TMEM245: variants seen among roughly 807,000 people sequenced by gnomAD.
TMEM245 encodes the protein protein CG-2.
In TMEM245, 69 loss-of-function variants were observed where a neutral mutation model predicts 101.2. The observed-to-expected ratio is 0.68, with a 90% CI of 0.56 to 0.83. The LOEUF is 0.83. Among genes scored for constraint, TMEM245 ranks in the 40% least tolerant of loss-of-function variants. The pLI is 0.00. For missense variants in TMEM245, 1,075 were observed against 1,092.8 expected (o/e 0.98, Z 0.23); for synonymous variants, 537 against 449.8 (o/e 1.19, Z -2.45).
At chr9:109,066,670 T>C (rs1829178969) in intron 9 of TMEM245, among the ~76,000 whole-genome samples, 1 of 151,796 alleles carries the variant, frequency 6.6e-6, no homozygotes, top group Non-Finnish European at 1.5e-5. Context: ...TTCAATTATA[T>C]GGTAACTTAT....
chr9:109,083,925 A>AAAAAAAAAAAAAAAAAAAT (rs1554725114), intron 7 of TMEM245, among the ~76,000 whole-genome samples: 1 of 140,772 alleles, frequency 7.1e-6, no homozygotes, highest in Non-Finnish European at 1.5e-5. Context: ...AAAAAAAAAA[A>AAAAAAAAAAAAAAAAAAAT]AAAACACCAG....
rs1829843693 is a variant in TMEM245, at chr9:109,086,526, T to C, written c.1321-506A>G. Among the ~76,000 whole-genome samples, 4 of 152,350 alleles carry C rather than the reference T, an allele frequency of 2.6e-5. No homozygotes were observed. In the South Asian group the frequency reaches 8.3e-4, roughly 32 times the overall value. ...CCTAATACTTACATAGAGCTCACTG[T>C]GTACCAGGCAATAATCTAGGGATTT... On this transcript the variant is annotated intron_variant, in intron 6 of 17. Transcript: ENST00000374586.
intron 14 of TMEM245, among the ~76,000 whole-genome samples, chr9:109,044,424 G>A (rs761163717): frequency 7.2e-5 from 11 of 152,164 alleles, no homozygotes; most frequent in Non-Finnish European, 1.5e-4. Flanking sequence ...AAATAATGAA[G>A]AAAAGGAGGA....
At chr9:109,088,168 G>A (rs1003160954) in intron 5 of TMEM245, among the ~76,000 whole-genome samples, 3 of 152,234 alleles carry the variant, frequency 2.0e-5, no homozygotes, top group Admixed American at 6.5e-5. Flanking sequence ...TAACTCTAGA[G>A]ATTTGTGTTC....
rs138141421 is a variant in TMEM245, at chr9:109,097,552, C to T, written c.800-3961G>A. 3.7e-3 allele frequency among the ~76,000 whole-genome samples: 565 copies of T among 152,302 alleles called. 4 individuals carry two copies. The highest frequency in any genetic ancestry group is 5.7e-3 in the Non-Finnish European group (388 of 68,022). ...GGCAAGTTAGTTAACGTCGAGATGT[C>T]CCAGTCTCCTCATGTGTAAAAATGA... On this transcript the variant is annotated intron_variant, in intron 3 of 17. Coordinates refer to ENST00000374586, the MANE Select transcript of TMEM245 (RefSeq NM_032012.4).
At chr9:109,086,427 G>A (rs112197251) in intron 6 of TMEM245, among the ~76,000 whole-genome samples, 1,750 of 152,140 alleles carry the variant, frequency 0.012, 14 homozygotes, top group South Asian at 0.031. Flanking sequence ...CCTTTCTCAT[G>A]ACCCTATGAA....
chr9:109,075,247 T>C (rs1399049687), intron 8 of TMEM245, among the ~76,000 whole-genome samples: 1 of 152,212 alleles, frequency 6.6e-6, no homozygotes, highest in Non-Finnish European at 1.5e-5. Flanking sequence ...ATTTTCCTTT[T>C]TACATACTGC....
At chr9:109,060,293 G>A in intron 11 of TMEM245, 61 bp downstream of exon 11, 1 of 1,185,234 alleles carries the variant, frequency 8.4e-7, no homozygotes, top group East Asian at 2.4e-5. Flanking sequence ...CTATCTAGTT[G>A]ATGAGTCAAT....
chr9:109,032,807 C>CTT lies in TMEM245; in HGVS notation c.2594+498_2594+499dup, dbSNP rs568749155. Among the ~76,000 whole-genome samples the CTT allele has an allele frequency of 3.0e-3, 375 of 123,142 alleles. 9 individuals carry two copies. Among genetic ancestry groups the CTT allele is most frequent in the Middle Eastern group, 5.2e-3 (1 of 194 alleles). The allele number at this position is 123,142 out of a possible 152,430, so 80.8% of individuals were successfully genotyped here. A position where few individuals can be genotyped will look rare whatever the true frequency, so the allele number is the denominator to read the frequency against. On this transcript the variant is annotated intron_variant, in intron 17 of 17. Coordinates refer to ENST00000374586, the MANE Select transcript of TMEM245 (RefSeq NM_032012.4). ...TTAACAATTCTCACCCAATATAGGT[C>CTT]TTTTTTTTTTTTTTTTTTTTATATG...
chr9:109,073,907 C>A (rs1042866522), intron 8 of TMEM245, among the ~76,000 whole-genome samples: 2 of 133,476 alleles, frequency 1.5e-5, no homozygotes, highest in Non-Finnish European at 3.1e-5. Flanking sequence ...CCCAGGCTTG[C>A]TGGTGTGTAG....
chr9:109,044,103 C>A (rs1828400565), intron 14 of TMEM245, among the ~76,000 whole-genome samples: 1 of 152,196 alleles, frequency 6.6e-6, no homozygotes, highest in East Asian at 1.9e-4. Flanking sequence ...CTAACCAGCT[C>A]TTGATCTTCA....
chr9:109,081,243 C>T (rs1048492288), intron 7 of TMEM245, among the ~76,000 whole-genome samples: 1 of 152,062 alleles, frequency 6.6e-6, no homozygotes, highest in African/African-American at 2.4e-5. Context: ...TAATTTATAA[C>T]CTGGTAAGTA....
intron 8 of TMEM245, among the ~76,000 whole-genome samples, chr9:109,074,531 G>A (rs1237843428): frequency 2.0e-5 from 3 of 152,130 alleles, no homozygotes; most frequent in East Asian, 1.9e-4. Context: ...AGTGTAATGA[G>A]GGAGAAAAGG....
chr9:109,057,683 G>A (rs1164354602), intron 11 of TMEM245, among the ~76,000 whole-genome samples: 5 of 152,056 alleles, frequency 3.3e-5, no homozygotes, highest in Non-Finnish European at 5.9e-5. Context: ...TCCAGGAGGC[G>A]GAGGTTGCAG....
At chr9:109,097,961 G>A (rs1041545488) in intron 3 of TMEM245, among the ~76,000 whole-genome samples, 1 of 152,108 alleles carries the variant, frequency 6.6e-6, no homozygotes, top group South Asian at 2.1e-4. Context: ...TGGGTATGTA[G>A]GAAGTACTCA....
At position 109,019,004 on chromosome 9, in the gene TMEM245, C is replaced by T. The variant is rs7023890; in HGVS notation, c.*1456G>A. ...AAGCAATCCACCCACCTCAGCCTTC[C>T]AAAGTGCTGGGATTACAGATGTGAG... On this transcript the variant is annotated 3_prime_UTR_variant, in exon 18 of 18. Transcript: ENST00000374586. The T allele has an allele frequency of 0.024, 3,600 of 149,856 alleles. 93 individuals are homozygous for T. The highest frequency in any genetic ancestry group is 0.094 in the East Asian group (475 of 5,074). 9.3% of individuals were successfully genotyped at this position (149,856 alleles called of 1,614,324 possible). A position where few individuals can be genotyped will look rare whatever the true frequency, so the allele number is the denominator to read the frequency against.
Position 109,087,251 on chromosome 9 carries a change from G to A in TMEM245, c.1242C>T (p.Phe414=), listed in dbSNP as rs1428424547. The change falls in exon 6 of 18, where the codon TTC becomes TTT. Residue 414 remains phenylalanine, a synonymous_variant. Coordinates refer to ENST00000374586, the MANE Select transcript of TMEM245 (RefSeq NM_032012.4). Reference sequence around the variant, plus strand: ...CGAGAGCTCCCTGCCGCTCCTTCAGGAAGCTTTCTATAATGCCCCACCACA... The same window carrying A: ...CGAGAGCTCCCTGCCGCTCCTTCAGAAAGCTTTCTATAATGCCCCACCACA... ...YHVWWGIIES[F]LKERQGALAP... 3 of 1,613,796 alleles carry A rather than the reference G, an allele frequency of 1.9e-6. No homozygotes were observed. The highest frequency in any genetic ancestry group is 2.2e-5 in the East Asian group (1 of 44,880).
chr9:109,096,523 A>G (rs1052206266), intron 3 of TMEM245, among the ~76,000 whole-genome samples: 5 of 151,934 alleles, frequency 3.3e-5, no homozygotes, highest in Admixed American at 2.6e-4. Context: ...CAAAAATAAA[A>G]AGTTCCACAA....
At chr9:109,098,625 G>C (rs1374482417) in intron 3 of TMEM245, among the ~76,000 whole-genome samples, 1 of 151,574 alleles carries the variant, frequency 6.6e-6, no homozygotes, top group Non-Finnish European at 1.5e-5. Flanking sequence ...CCAGGACTGA[G>C]AATCTTGGCC....
Sources: gnomAD v4.1 joint callset for allele counts (sites outside exome capture counted in the v4.1 genomes callset) on GRCh38, gnomAD v4.1.1 for gene constraint, MANE v1.5 for transcripts, NCBI Gene and HGNC (gene_info 2026-07-23, HGNC 2026-07-21) for gene names.